TULP4: variants seen among roughly 807,000 people sequenced by gnomAD.
The protein encoded by TULP4 is TUB like protein 4.
Under a neutral mutation model 129.0 loss-of-function variants are expected in TULP4, and 16 were observed. That is an observed-to-expected ratio of 0.12 (90% confidence interval 0.08 to 0.19). TULP4 has a LOEUF of 0.19. TULP4 is among the 10% of genes least tolerant of loss of function. The probability of loss-of-function intolerance (pLI) is 1.00; values close to 1 mark genes in which losing one functional copy is unlikely to be tolerated. For synonymous variants in TULP4, 998 were observed against 854.0 expected (o/e 1.17, Z -2.94); for missense variants, 1,842 against 2,059.1 (o/e 0.89, Z 2.04).
intron 1 of TULP4, among the ~76,000 whole-genome samples, 195 bp from the exon 2 acceptor site, chr6:158,412,870 C>T (rs568971834): frequency 1.1e-4 from 16 of 152,120 alleles, no homozygotes; most frequent in African/African-American, 3.4e-4. Context: ...GTTAGGAAGC[C>T]GTGTCAGTGG....
At chr6:158,489,482 A>G (rs1780146817) in intron 8 of TULP4, 106 bp from the exon 9 acceptor site, 1 of 1,394,530 alleles carries the variant, frequency 7.2e-7, no homozygotes, top group Non-Finnish European at 9.8e-7. Context: ...TAGGTCTAAA[A>G]TGATGGCCTG....
At chr6:158,247,252 T>G (rs566169200) in intron 1 of TULP4, among the ~76,000 whole-genome samples, 5 of 152,174 alleles carry the variant, frequency 3.3e-5, no homozygotes, top group East Asian at 3.9e-4. Context: ...GCTTGTAGAG[T>G]CTAATCTATT....
intron 1 of TULP4, among the ~76,000 whole-genome samples, chr6:158,247,872 T>G (rs1161980349): frequency 6.6e-6 from 1 of 152,244 alleles, no homozygotes. Flanking sequence ...TCAGCAGTGA[T>G]GTTACCATAG....
intron 1 of TULP4, among the ~76,000 whole-genome samples, chr6:158,330,833 T>C (rs1779861878): frequency 6.6e-6 from 1 of 152,252 alleles, no homozygotes; most frequent in South Asian, 2.1e-4. Flanking sequence ...TTATGTTTTA[T>C]GACATTGACC....
upstream of TULP4, among the ~76,000 whole-genome samples, chr6:158,279,078 T>TAC (rs10664391): frequency 0.81 from 122,136 of 149,872 alleles, 50,499 homozygotes; most frequent in African/African-American, 0.95. Context: ...TAGCTGGGAC[T>TAC]AGGCGCCTGC....
intron 1 of TULP4, among the ~76,000 whole-genome samples, chr6:158,388,285 C>G (rs1422243980): frequency 6.9e-6 from 1 of 145,254 alleles, no homozygotes; most frequent in Non-Finnish European, 1.5e-5. Context: ...ATTGAACTTA[C>G]ATACATTGTT....
At chr6:158,470,611 C>T (rs1223668957) in intron 6 of TULP4, among the ~76,000 whole-genome samples, 1 of 152,148 alleles carries the variant, frequency 6.6e-6, no homozygotes, top group Non-Finnish European at 1.5e-5. Context: ...CTTAGTCGGC[C>T]TAGGAAATCC....
At position 158,413,295 on chromosome 6, in the gene TULP4, C is replaced by A; in HGVS notation, c.381+102C>A. The A allele has an allele frequency of 7.6e-7, 1 of 1,322,174 alleles. No individual in the cohort carries two copies. Among genetic ancestry groups the A allele is most frequent in the Non-Finnish European group, 1.0e-6 (1 of 991,858 alleles). 81.9% of individuals were successfully genotyped at this position (1,322,174 alleles called of 1,614,324 possible). The stretch of plus-strand genomic sequence containing the variant: ...CGTTAGCACCACACAGCGCCACGTG[C>A]TCCAGAGCTGGGGGAAGAGAAATCA... On this transcript the variant is annotated intron_variant, in intron 2 of 13. Coordinates refer to ENST00000367097, the MANE Select transcript of TULP4 (RefSeq NM_020245.5). This position sits in a 1 kb window ranked among gnomAD's most constrained non-coding sequence, Gnocchi z 4.9.
chr6:158,260,575 CA>C (rs71729689), intron 1 of TULP4, among the ~76,000 whole-genome samples: 4,631 of 116,538 alleles, frequency 0.04, 84 homozygotes, highest in Non-Finnish European at 0.046. Context: ...GACTCTGTCT[CA>C]AAAAAAAAAA....
intron 1 of TULP4, among the ~76,000 whole-genome samples, chr6:158,325,714 A>C (rs999489028): frequency 1.3e-5 from 2 of 152,202 alleles, no homozygotes; most frequent in Admixed American, 1.3e-4. Flanking sequence ...CCTTTCTAGC[A>C]AAGAGGCAGA....
intron 6 of TULP4, among the ~76,000 whole-genome samples, chr6:158,477,263 A>G (rs559591354): frequency 6.6e-6 from 1 of 152,324 alleles, no homozygotes; most frequent in East Asian, 1.9e-4. Flanking sequence ...TTATACAGAG[A>G]TAGTTACTAT....
At chr6:158,368,331 G>A (rs1377887527) in intron 1 of TULP4, among the ~76,000 whole-genome samples, 2 of 152,056 alleles carry the variant, frequency 1.3e-5, no homozygotes, top group Non-Finnish European at 2.9e-5. Context: ...TTGAGACAGA[G>A]TCTCGCTGTC....
At chr6:158,463,108 A>T (rs1779478570) in intron 6 of TULP4, among the ~76,000 whole-genome samples, 2 of 152,148 alleles carry the variant, frequency 1.3e-5, no homozygotes, top group African/African-American at 2.4e-5. Context: ...TCTCGAAATT[A>T]TCCTTACGCC....
chr6:158,234,104 ATTGT>A (rs1777645284), intron 1 of TULP4, among the ~76,000 whole-genome samples: 1 of 152,324 alleles, frequency 6.6e-6, no homozygotes, highest in South Asian at 2.1e-4. Context: ...TGCATTTACT[ATTGT>A]TTATTTTAAA....
chr6:158,420,055 T>C (rs1778301104), intron 2 of TULP4, among the ~76,000 whole-genome samples: 1 of 152,232 alleles, frequency 6.6e-6, no homozygotes, highest in Non-Finnish European at 1.5e-5. Context: ...AAACCTTTTC[T>C]GTGAAGGGTC....
chr6:158,395,836 C>T (rs1255825925), intron 1 of TULP4, among the ~76,000 whole-genome samples: 1 of 151,662 alleles, frequency 6.6e-6, no homozygotes, highest in East Asian at 1.9e-4. Context: ...TCCGTTGCCT[C>T]AAAGTTTAGA....
chr6:158,352,588 G>T (rs2114805697), intron 1 of TULP4, among the ~76,000 whole-genome samples: 1 of 152,172 alleles, frequency 6.6e-6, no homozygotes, highest in East Asian at 1.9e-4. Flanking sequence ...GTAGAGCTGG[G>T]GTTTCACCAT....
At chr6:158,262,447 C>T (rs1285514032) in intron 1 of TULP4, among the ~76,000 whole-genome samples, 2 of 152,104 alleles carry the variant, frequency 1.3e-5, no homozygotes, top group East Asian at 1.9e-4. Flanking sequence ...TCTCAGGGGT[C>T]GTATTCTTCA....
At chr6:158,414,615 T>G (rs1778166919) in intron 2 of TULP4, among the ~76,000 whole-genome samples, 1 of 152,190 alleles carries the variant, frequency 6.6e-6, no homozygotes, top group South Asian at 2.1e-4. Flanking sequence ...TCTTGGTTTC[T>G]GTGAAATGAC....
Sources: allele counts gnomAD v4.1 joint callset (sites outside exome capture counted in the v4.1 genomes callset), GRCh38; gene constraint gnomAD v4.1.1; non-coding constraint Gnocchi (gnomAD v3.1); transcripts MANE v1.5; gene names NCBI Gene and HGNC (gene_info 2026-07-23, HGNC 2026-07-21).